The following LIPJ variants were observed in gnomAD, a reference collection of about 807,000 sequenced individuals.
The protein encoded by LIPJ is lipase family member J.
Under a neutral mutation model 39.8 loss-of-function variants are expected in LIPJ, and 33 were observed. That is an observed-to-expected ratio of 0.83 (90% confidence interval 0.63 to 1.11). The LOEUF (loss-of-function observed/expected upper bound fraction) is 1.11. LIPJ is among the 50% of genes least tolerant of loss of function. The pLI is 0.00. For missense variants in LIPJ, 422 were observed against 427.9 expected (o/e 0.99, Z 0.12); for synonymous variants, 128 against 139.2 (o/e 0.92, Z 0.57).
intron 7 of LIPJ, 86 bp from the exon 8 acceptor site, chr10:88,596,704 G>A (rs1851264948): frequency 8.4e-7 from 1 of 1,184,108 alleles, no homozygotes; most frequent in Non-Finnish European, 1.2e-6. Flanking sequence ...TAATTTATTT[G>A]GTTTTATAGA....
At chr10:88,583,355 G>A (rs1564925447), upstream of LIPJ, 10 of 1,404,232 alleles carry the variant, frequency 7.1e-6, no homozygotes, top group Non-Finnish European at 9.2e-6. Context: ...GGGCGGAAAG[G>A]AGGCGGCCGG....
intron 3 of LIPJ, 39 bp downstream of exon 3, chr10:88,590,735 C>T: frequency 6.6e-7 from 1 of 1,517,536 alleles, no homozygotes; most frequent in Non-Finnish European, 9.1e-7. Context: ...GCTGAAATAA[C>T]AGAGAATGCT....
At chr10:88,598,490 A>G (rs1851337097) in intron 8 of LIPJ, among the ~76,000 whole-genome samples, 1 of 152,048 alleles carries the variant, frequency 6.6e-6, no homozygotes, top group Admixed American at 6.6e-5. Flanking sequence ...GATTTACAAA[A>G]AGAAATTCTA....
intron 3 of LIPJ, among the ~76,000 whole-genome samples, chr10:88,591,105 T>C (rs1851065146): frequency 6.6e-6 from 1 of 151,126 alleles, no homozygotes; most frequent in Non-Finnish European, 1.5e-5. Flanking sequence ...AAGAAAATAT[T>C]CTTGAGATAT....
chr10:88,590,693 T>C, exon 3 of LIPJ: 1 of 1,592,978 alleles, frequency 6.3e-7, no homozygotes, highest in Non-Finnish European at 8.6e-7. Flanking sequence ...CAGATATGAA[T>C]ATTGTAAGTT....
In LIPJ at chr10:88,596,770, A is replaced by T. The variant is rs1331118073; in HGVS notation, c.577-20A>T. The T allele has an allele frequency of 8.2e-6, 13 of 1,587,660 alleles. No homozygotes were observed. Among genetic ancestry groups the T allele is most frequent in the African/African-American group, 1.4e-5 (1 of 73,542 alleles). On this transcript the variant is annotated intron_variant, in intron 7 of 10. Transcript: ENST00000371939. ...TTATTGTGGTCATCCAAATGTGGATAAAATAAATTTATTTTACAGGCTTTT... is the reference window on the plus strand; with the variant it reads ...TTATTGTGGTCATCCAAATGTGGATTAAATAAATTTATTTTACAGGCTTTT...
chr10:88,603,090 T>G (rs540475250), intron 9 of LIPJ, among the ~76,000 whole-genome samples: 2 of 152,278 alleles, frequency 1.3e-5, no homozygotes, highest in South Asian at 4.1e-4. Context: ...AGACTCTGTC[T>G]CAATAAATAA....
upstream of LIPJ, chr10:88,584,331 T>C (rs1188378625): frequency 6.6e-6 from 1 of 152,118 alleles, no homozygotes; most frequent in Non-Finnish European, 1.5e-5. Flanking sequence ...AGAAAATACA[T>C]AATCATTTAC....
chr10:88,592,861 T>C (rs1409410784), intron 4 of LIPJ: 3 of 151,752 alleles, frequency 2.0e-5, no homozygotes, highest in African/African-American at 7.3e-5. Context: ...TGAGCAATAG[T>C]AAACCCTTAA....
chr10:88,596,728 C>A, intron 7 of LIPJ, 62 bp from the exon 8 acceptor site: 1 of 1,368,106 alleles, frequency 7.3e-7, no homozygotes, highest in Non-Finnish European at 1.0e-6. Flanking sequence ...TGAATTACCA[C>A]AACATTTCTT....
At chr10:88,613,404 A>G in the LIPJ span, among the ~76,000 whole-genome samples, 1 of 152,112 alleles carries the variant, frequency 6.6e-6, no homozygotes, top group Non-Finnish European at 1.5e-5. Context: ...TGTAGAGAAC[A>G]GAAGGTAGCA....
chr10:88,583,165 G>A, upstream of LIPJ: 3 of 1,614,030 alleles, frequency 1.9e-6, no homozygotes, highest in Non-Finnish European at 2.5e-6. Flanking sequence ...TGTCATCCCG[G>A]CGCCCACGAT....
chr10:88,613,816 GTATATATATATA>G, the LIPJ span, among the ~76,000 whole-genome samples: 22 of 69,630 alleles, frequency 3.2e-4, no homozygotes, highest in South Asian at 4.8e-4. Flanking sequence ...GTGTGTGTGT[GTATATATATATA>G]TGTGTGTATA....
intron 2 of LIPJ, among the ~76,000 whole-genome samples, chr10:88,589,764 A>T (rs1288704883): frequency 4.0e-5 from 6 of 151,868 alleles, no homozygotes; most frequent in Admixed American, 2.0e-4. Flanking sequence ...TATGACAGAT[A>T]TTACACTAAT....
chr10:88,619,448 T>C, the LIPJ span, among the ~76,000 whole-genome samples: 2 of 28,710 alleles, frequency 7.0e-5, no homozygotes, highest in Non-Finnish European at 1.1e-4. Context: ...AAAATCCCCC[T>C]CTTGCCACAC....
chr10:88,585,083 A>G (rs1179604871), upstream of LIPJ, among the ~76,000 whole-genome samples: 1 of 152,246 alleles, frequency 6.6e-6, no homozygotes, highest in Non-Finnish European at 1.5e-5. Context: ...ATTCACAGCC[A>G]TAGCCCTAAA....
intron 6 of LIPJ, among the ~76,000 whole-genome samples, chr10:88,596,049 A>G (rs1291729510): frequency 1.3e-5 from 2 of 151,626 alleles, no homozygotes; most frequent in Non-Finnish European, 3.0e-5. Context: ...TTGCTAAATT[A>G]TCATTCTTTA....
chr10:88,607,545 T>C (rs963820843), downstream of LIPJ, among the ~76,000 whole-genome samples: 18 of 152,200 alleles, frequency 1.2e-4, no homozygotes, highest in Non-Finnish European at 2.1e-4. Context: ...GTTATATTCC[T>C]AGGTAACTAG....
At position 88,596,827 on chromosome 10, in the gene LIPJ, C is replaced by T. The variant is rs41310296; in HGVS notation, c.614C>T (p.Ser205Leu). 8.7e-4 allele frequency: 1,402 copies of T among 1,602,772 alleles called. 1 individual carries two copies. The highest frequency in any genetic ancestry group is 1.1e-3 in the Non-Finnish European group (1,283 of 1,174,436). The change falls in exon 8 of 11, where the codon TCA becomes TTA. Residue 205 changes from serine (S) to leucine (L), a missense_variant. Ser to Leu is a moderately radical substitution (Grantham distance 145). Coordinates refer to ENST00000371939, the Ensembl canonical transcript of LIPJ. ...AACAAAGACTTCTTGCCTAAAACCT[C>T]ATTTAAAAAATTCATTGGTTCAAAG... is the stretch of plus-strand genomic sequence containing the variant.
Sources: gnomAD v4.1 joint callset for allele counts (sites outside exome capture counted in the v4.1 genomes callset) on GRCh38, gnomAD v4.1.1 for gene constraint, MANE v1.5 for transcripts, NCBI Gene and HGNC (gene_info 2026-07-23, HGNC 2026-07-21) for gene names.